Variants in PTH2R observed in about 807,000 individuals in gnomAD.
PTH2R encodes parathyroid hormone 2 receptor, also known as PTH2 receptor.
In PTH2R, 59 loss-of-function variants were observed where a neutral mutation model predicts 60.3. The ratio of observed to expected loss-of-function variants is 0.98; its 90% confidence interval spans 0.79 to 1.22. The LOEUF (loss-of-function observed/expected upper bound fraction) is 1.22. PTH2R is among the 50% of genes most tolerant of loss of function. PTH2R has a pLI of 0.00. For missense variants in PTH2R, 749 were observed against 682.6 expected, an observed-to-expected ratio of 1.10 and a Z score of -1.08; for synonymous variants, 256 against 243.8, an observed-to-expected ratio of 1.05 and a Z score of -0.47.
chr2:208,424,723 T>C (rs1382732848), intron 1 of PTH2R, among the ~76,000 whole-genome samples: 1 of 152,288 alleles, frequency 6.6e-6, no homozygotes, highest in Middle Eastern at 3.4e-3. Context: ...AAGCCTGACC[T>C]GGAGAAAGTG....
intron 1 of PTH2R, among the ~76,000 whole-genome samples, chr2:208,390,941 A>G (rs1328751681): frequency 6.6e-6 from 1 of 152,192 alleles, no homozygotes; most frequent in Non-Finnish European, 1.5e-5. Flanking sequence ...ACAGATATTC[A>G]GGTCATTCCT....
At chr2:208,392,776 T>G (rs1701130019) in intron 1 of PTH2R, among the ~76,000 whole-genome samples, 1 of 152,186 alleles carries the variant, frequency 6.6e-6, no homozygotes, top group Non-Finnish European at 1.5e-5. Flanking sequence ...CCAGAAGATC[T>G]ACCTTCCTTC....
chr2:208,390,390 A>C (rs542474125), intron 1 of PTH2R, among the ~76,000 whole-genome samples: 26 of 152,336 alleles, frequency 1.7e-4, no homozygotes, highest in African/African-American at 5.8e-4. Flanking sequence ...GAAAGGTTAA[A>C]GGTAAAGCCA....
chr2:208,440,499 G>A (rs1289482887), intron 4 of PTH2R, among the ~76,000 whole-genome samples: 1 of 152,166 alleles, frequency 6.6e-6, no homozygotes, highest in Non-Finnish European at 1.5e-5. Context: ...ATTGTAGGCA[G>A]TCGCAACAAT....
At chr2:208,454,126 C>T (rs775748736) in intron 8 of PTH2R, among the ~76,000 whole-genome samples, 46 of 151,826 alleles carry the variant, frequency 3.0e-4, no homozygotes, top group Non-Finnish European at 1.5e-4. Flanking sequence ...GTCTGTGTTT[C>T]TCTTGAGGGG....
chr2:208,464,974 CTTTG>C (rs1025467984), intron 9 of PTH2R, among the ~76,000 whole-genome samples: 19 of 152,076 alleles, frequency 1.2e-4, no homozygotes, highest in African/African-American at 3.6e-4. Flanking sequence ...TTAAGCCATT[CTTTG>C]TTTGTTTGTT....
At chr2:208,479,482 C>T (rs1239727835) in intron 9 of PTH2R, among the ~76,000 whole-genome samples, 3 of 152,168 alleles carry the variant, frequency 2.0e-5, no homozygotes, top group African/African-American at 2.4e-5. Context: ...TCAGCTACAT[C>T]GTATTGCCGG....
chr2:208,369,505 A>G (rs1490168164), intron 1 of PTH2R, among the ~76,000 whole-genome samples: 1 of 151,674 alleles, frequency 6.6e-6, no homozygotes, highest in Non-Finnish European at 1.5e-5. Context: ...AGCTGGGAGT[A>G]CAGGTGCCCA....
intron 9 of PTH2R, among the ~76,000 whole-genome samples, chr2:208,468,019 A>T (rs1264218752): frequency 2.0e-5 from 3 of 152,212 alleles, no homozygotes; most frequent in Non-Finnish European, 4.4e-5. Flanking sequence ...GCAGCAGCTG[A>T]CATCTCTAGG....
chr2:208,443,089 G>A (rs1421646831), intron 5 of PTH2R, among the ~76,000 whole-genome samples: 1 of 152,080 alleles, frequency 6.6e-6, no homozygotes, highest in Non-Finnish European at 1.5e-5. Flanking sequence ...TATTTACATA[G>A]CATTCACATT....
chr2:208,448,933 A>C (rs1702344430), intron 7 of PTH2R, among the ~76,000 whole-genome samples: 1 of 152,082 alleles, frequency 6.6e-6, no homozygotes, highest in African/African-American at 2.4e-5. Flanking sequence ...TGAAGACATA[A>C]TGCCTGTGTA....
rs1461123905 is a variant in PTH2R, at chr2:208,493,575, T to C, written c.1569T>C (p.Asp523=). The C allele has an allele frequency of 6.2e-7, 1 of 1,613,060 alleles. No individual in the cohort carries two copies. The highest frequency in any genetic ancestry group is 2.2e-5 in the East Asian group (1 of 44,884). ...TKEDSGRQGD[D]ILMEKPSRPM... ...AAGATAGTGGGAGGCAGGGAGATGA[T>C]ATTCTAATGGAGAAGCCTTCCAGGC... Residue 523 remains aspartate (D), a synonymous_variant, in exon 13 of 13, where the codon GAT becomes GAC. Transcript: ENST00000272847.
intron 9 of PTH2R, chr2:208,466,222 C>G (rs1362655782): frequency 6.6e-6 from 1 of 152,336 alleles, no homozygotes; most frequent in Non-Finnish European, 1.5e-5. Context: ...GAAATGTTTC[C>G]CATCATAGTG....
At chr2:208,431,675 C>A (rs545313988) in intron 2 of PTH2R, among the ~76,000 whole-genome samples, 23 of 152,170 alleles carry the variant, frequency 1.5e-4, no homozygotes, top group Non-Finnish European at 3.1e-4. Context: ...GGTTTTATTT[C>A]TTGCCCACCC....
At chr2:208,430,504 A>T (rs10182460) in intron 2 of PTH2R, among the ~76,000 whole-genome samples, 2 of 149,068 alleles carry the variant, frequency 1.3e-5, no homozygotes, top group Non-Finnish European at 3.0e-5. Flanking sequence ...TGACAAATCA[A>T]TTCTCAGCCT....
chr2:208,493,940 G>C lies in PTH2R; in HGVS notation c.*281G>C. ...TGTTCATTTTTTTCTGCTACTTTTG[G>C]GTAGAAAAAAGATTCAATTGCTTGG... is the stretch of plus-strand genomic sequence containing the variant. On this transcript the variant is annotated 3_prime_UTR_variant, in exon 13 of 13. Coordinates refer to ENST00000272847, the MANE Select transcript of PTH2R (RefSeq NM_005048.4). The C allele has an allele frequency of 3.7e-6, 1 of 272,530 alleles. No homozygotes were observed. The highest frequency in any genetic ancestry group is 6.8e-6 in the Non-Finnish European group (1 of 146,852). 16.9% of individuals were successfully genotyped at this position (272,530 alleles called of 1,614,324 possible). A position where few individuals can be genotyped will look rare whatever the true frequency, so the allele number is the denominator to read the frequency against.
At chr2:208,443,126 G>A (rs886892581) in intron 5 of PTH2R, among the ~76,000 whole-genome samples, 8 of 152,088 alleles carry the variant, frequency 5.3e-5, no homozygotes, top group African/African-American at 1.4e-4. Flanking sequence ...GTAATCTAGG[G>A]ATGATTTAAA....
chr2:208,393,877 G>A (rs1701154919), intron 1 of PTH2R, among the ~76,000 whole-genome samples: 1 of 152,164 alleles, frequency 6.6e-6, no homozygotes, highest in Non-Finnish European at 1.5e-5. Context: ...AGGGGGGAGA[G>A]TAGGATATAC....
intron 10 of PTH2R, among the ~76,000 whole-genome samples, chr2:208,485,600 C>T (rs558434045): frequency 6.6e-6 from 1 of 152,294 alleles, no homozygotes; most frequent in African/African-American, 2.4e-5. Context: ...CAAAGCTCAT[C>T]AGTATTCACA....
Sources: gnomAD v4.1 joint callset for allele counts (sites outside exome capture counted in the v4.1 genomes callset) on GRCh38, gnomAD v4.1.1 for gene constraint, MANE v1.5 for transcripts, NCBI Gene and HGNC (gene_info 2026-07-23, HGNC 2026-07-21) for gene names.